DNAI4: variants seen among roughly 807,000 people sequenced by gnomAD.
The protein encoded by DNAI4 is dynein axonemal intermediate chain 4, also known as WD repeat domain 78.
Under a neutral mutation model 105.8 loss-of-function variants are expected in DNAI4, and 85 were observed. The observed-to-expected ratio is 0.80, with a 90% CI of 0.67 to 0.96. DNAI4 has a LOEUF of 0.96. Among genes scored for constraint, DNAI4 ranks in the 40% least tolerant of loss-of-function variants. The pLI is 0.00. For synonymous variants in DNAI4, 352 were observed against 331.5 expected (o/e 1.06, Z -0.67); for missense variants, 1,014 against 1,005.6 (o/e 1.01, Z -0.11).
intron 12 of DNAI4, 92 bp downstream of exon 12, chr1:66,833,899 C>T: frequency 6.8e-7 from 1 of 1,464,066 alleles, no homozygotes. Flanking sequence ...TCTTATTGGC[C>T]AAACCAAAAT....
At position 66,814,168 on chromosome 1, in the gene DNAI4, C is replaced by A. The variant is rs752395603; in HGVS notation, c.2509G>T (p.Asp837Tyr). Residue 837 changes from aspartate (D) to tyrosine (Y), a missense_variant, in exon 17 of 17, where the codon GAT becomes TAT. Asp to Tyr is a radical substitution (Grantham distance 160, BLOSUM62 -3). Coordinates refer to ENST00000371026, the MANE Select transcript of DNAI4 (RefSeq NM_024763.5). ...TTTGACTTGGATCCAAGCAAAGTAT[C>A]CATTATATCTCCCTGAAAAAAAAAA... ...VLETGRGDIMDTLLGSKSNQS... is the reference protein window; with the variant it reads ...VLETGRGDIMYTLLGSKSNQS... The A allele has an allele frequency of 1.3e-6, 2 of 1,589,534 alleles. No individual in the cohort carries two copies. Among genetic ancestry groups the A allele is most frequent in the Admixed American group, 1.7e-5 (1 of 58,628 alleles).
intron 15 of DNAI4, among the ~76,000 whole-genome samples, chr1:66,823,941 T>C (rs1430988820): frequency 2.7e-5 from 4 of 150,366 alleles, no homozygotes; most frequent in South Asian, 2.1e-4. Context: ...ATTTTGTCTT[T>C]AGTTGCCATT....
chr1:66,877,778 T>C (rs2100693211), intron 4 of DNAI4, among the ~76,000 whole-genome samples: 1 of 152,328 alleles, frequency 6.6e-6, no homozygotes, highest in Admixed American at 6.5e-5. Flanking sequence ...TTGTTTTTGA[T>C]GACTTTGAGA....
In DNAI4 at chr1:66,823,783, G is replaced by A. The variant is rs1645686894; in HGVS notation, c.2340-1266C>T. Among the ~76,000 whole-genome samples the A allele has an allele frequency of 4.0e-5, 6 of 149,824 alleles. No individual in the cohort carries two copies. In the South Asian group the frequency reaches 1.3e-3, roughly 32 times the overall value. Reference sequence around the variant, plus strand: ...TTGTTTTTTTCTTGTAAATTTGTTTGAGTTCATTGTAGATTCCGGATATTA... The same window carrying A: ...TTGTTTTTTTCTTGTAAATTTGTTTAAGTTCATTGTAGATTCCGGATATTA... On this transcript the variant is annotated intron_variant, in intron 15 of 16. Coordinates refer to ENST00000371026, the MANE Select transcript of DNAI4 (RefSeq NM_024763.5).
chr1:66,860,950 C>T (rs1646613273), intron 7 of DNAI4: 2 of 152,116 alleles, frequency 1.3e-5, no homozygotes, highest in South Asian at 4.1e-4. Flanking sequence ...AACTATTCCT[C>T]ATTATAAACA....
At position 66,837,719 on chromosome 1, in the gene DNAI4, C is replaced by A; in HGVS notation, c.1572G>T (p.Lys524Asn). Residue 524 changes from lysine (K) to asparagine (N), a missense_variant, in exon 10 of 17, where the codon AAG (lysine) becomes AAT (asparagine). Transcript: ENST00000371026. ...TTCTTGTTTGGGTTACCATGGGATT[C>A]TTTATTGACCAGCAGCAAGCCAGTC... ...KRGLACCWSI[K>N]NPMWPERIYQ... 6.2e-7 allele frequency: 1 copy of A among 1,608,586 alleles called. No individual in the cohort carries two copies. The highest frequency in any genetic ancestry group is 1.1e-5 in the South Asian group (1 of 89,176).
At chr1:66,865,929 C>G (rs1028906598) in intron 6 of DNAI4, among the ~76,000 whole-genome samples, 1 of 152,184 alleles carries the variant, frequency 6.6e-6, no homozygotes, top group East Asian at 1.9e-4. Flanking sequence ...AGTATACATA[C>G]AGTCACTTAT....
intron 1 of DNAI4, among the ~76,000 whole-genome samples, chr1:66,912,398 G>A (rs558901450): frequency 5.2e-4 from 79 of 151,972 alleles, no homozygotes; most frequent in Non-Finnish European, 9.3e-4. Context: ...GAATCTGGGA[G>A]GTAGAGGCTA....
chr1:66,875,359 T>C (rs1347297334), intron 4 of DNAI4, among the ~76,000 whole-genome samples: 1 of 152,156 alleles, frequency 6.6e-6, no homozygotes, highest in Admixed American at 6.6e-5. Context: ...TTATCCTTCA[T>C]TTGCCCTCCT....
intron 16 of DNAI4, among the ~76,000 whole-genome samples, chr1:66,814,639 A>C (rs1031911727): frequency 1.3e-5 from 2 of 152,206 alleles, no homozygotes; most frequent in Admixed American, 6.5e-5. Flanking sequence ...AAGTGCTGGG[A>C]TTACATGCGT....
chr1:66,898,053 A>G (rs1029635310), intron 2 of DNAI4, among the ~76,000 whole-genome samples: 1 of 152,194 alleles, frequency 6.6e-6, no homozygotes, highest in African/African-American at 2.4e-5. Flanking sequence ...CAATCCCTGC[A>G]CCAGTGTGTC....
chr1:66,871,420 G>C lies in DNAI4; in HGVS notation c.890C>G (p.Ala297Gly), dbSNP rs1292341216. ...VERMMQTFNG[A>G]PKNKDVQCDK... ...ACATTGAACATCTTTATTCTTTGGT[G>C]CTCCATTGAAAGTCTGCATCATCCT... The change falls in exon 6 of 17, where the codon GCA becomes GGA. Residue 297 changes from alanine (A) to glycine (G), a missense_variant. Coordinates refer to ENST00000371026, the MANE Select transcript of DNAI4 (RefSeq NM_024763.5). 6.2e-7 allele frequency: 1 copy of C among 1,611,632 alleles called. No individual in the cohort carries two copies.
intron 7 of DNAI4, among the ~76,000 whole-genome samples, chr1:66,853,449 T>G (rs912704766): frequency 6.6e-6 from 1 of 152,156 alleles, no homozygotes; most frequent in Non-Finnish European, 1.5e-5. Flanking sequence ...CACAACCACA[T>G]AGCAAAGGGA....
chr1:66,857,844 C>T (rs1646535366), intron 7 of DNAI4, among the ~76,000 whole-genome samples: 1 of 151,914 alleles, frequency 6.6e-6, no homozygotes, highest in Non-Finnish European at 1.5e-5. Flanking sequence ...CCTCAGCTTC[C>T]CAAAGTGCTG....
At position 66,891,186 on chromosome 1, in the gene DNAI4, G is replaced by C. The variant is rs978889844; in HGVS notation, c.611C>G (p.Ser204Cys). Residue 204 changes from serine (S) to cysteine (C), a missense_variant, in exon 4 of 17, where the codon TCC becomes TGC. Physicochemically the swap from Ser to Cys is moderately radical, Grantham distance 112. Coordinates refer to ENST00000371026, the MANE Select transcript of DNAI4 (RefSeq NM_024763.5). ...ACTAGTCAATCTTTCCCGTTTATAG[G>C]ATGGTTCTTCCAGGTCTTCTGCTAT... ...ESIAEDLEEPSYKRERLTSFT... is the reference protein window; with the variant it reads ...ESIAEDLEEPCYKRERLTSFT... 1.2e-6 allele frequency: 2 copies of C among 1,613,528 alleles called. No homozygotes were observed. Among genetic ancestry groups the C allele is most frequent in the African/African-American group, 2.7e-5 (2 of 74,898 alleles).
intron 4 of DNAI4, 46 bp downstream of exon 4, chr1:66,891,108 C>G (rs1647599426): frequency 7.4e-7 from 1 of 1,357,080 alleles, no homozygotes; most frequent in Admixed American, 1.7e-5. Context: ...AGCATATTGA[C>G]TAAATAACGG....
intron 1 of DNAI4, among the ~76,000 whole-genome samples, chr1:66,921,756 TC>T (rs1413099017): frequency 6.6e-6 from 1 of 152,216 alleles, no homozygotes; most frequent in African/African-American, 2.4e-5. Context: ...ACTCATTCAT[TC>T]AGCAAATATT....
chr1:66,900,570 A>C (rs911013231), intron 2 of DNAI4, among the ~76,000 whole-genome samples: 10 of 152,174 alleles, frequency 6.6e-5, no homozygotes, highest in African/African-American at 2.4e-4. Context: ...GATCTTATTT[A>C]ATTTCTTTCA....
intron 7 of DNAI4, among the ~76,000 whole-genome samples, chr1:66,861,194 A>C (rs1053052839): frequency 5.3e-5 from 8 of 152,180 alleles, no homozygotes; most frequent in Non-Finnish European, 1.0e-4. Flanking sequence ...ATTTCGAAAT[A>C]CTTATACTTA....
Sources: gnomAD v4.1 joint callset for allele counts (sites outside exome capture counted in the v4.1 genomes callset) on GRCh38, gnomAD v4.1.1 for gene constraint, MANE v1.5 for transcripts, NCBI Gene and HGNC (gene_info 2026-07-23, HGNC 2026-07-21) for gene names.